Variants in HS3ST3A1 observed in about 807,000 individuals in gnomAD.
HS3ST3A1 encodes the protein heparan sulfate-glucosamine 3-sulfotransferase 3A1.
HS3ST3A1 carries 19 observed loss-of-function variants against 25.7 expected under a neutral mutation model. The observed-to-expected ratio is 0.74, with a 90% CI of 0.52 to 1.08. The LOEUF is 1.08. Ranked by LOEUF, HS3ST3A1 falls within the 50% of genes least tolerant of loss-of-function variation. The pLI is 0.00. For synonymous variants in HS3ST3A1, 226 were observed against 278.6 expected (o/e 0.81, Z 1.88); for missense variants, 459 against 594.3 (o/e 0.77, Z 2.37).
intron 1 of HS3ST3A1, among the ~76,000 whole-genome samples, chr17:13,563,724 C>T (rs1474701920): frequency 6.6e-6 from 1 of 152,144 alleles, no homozygotes; most frequent in African/African-American, 2.4e-5. Flanking sequence ...AAAGGACACG[C>T]ACAAGTCCCC....
chr17:13,518,918 A>G (rs1463668929), intron 1 of HS3ST3A1, among the ~76,000 whole-genome samples: 2 of 152,228 alleles, frequency 1.3e-5, no homozygotes, highest in Non-Finnish European at 2.9e-5. Flanking sequence ...CTGCAGACTT[A>G]TAAAATAAAT....
At chr17:13,594,386 G>A (rs969537698) in intron 1 of HS3ST3A1, among the ~76,000 whole-genome samples, 2 of 152,034 alleles carry the variant, frequency 1.3e-5, no homozygotes, top group Admixed American at 1.3e-4. Context: ...CTCTCAAAGC[G>A]CTTTCCTGTG....
chr17:13,594,206 G>A (rs529325745), intron 1 of HS3ST3A1, among the ~76,000 whole-genome samples: 63 of 152,260 alleles, frequency 4.1e-4, no homozygotes, highest in African/African-American at 1.3e-3. Flanking sequence ...ACACAACAGG[G>A]AATGCTAACC....
chr17:13,521,710 C>T (rs1163194936), intron 1 of HS3ST3A1, among the ~76,000 whole-genome samples: 1 of 152,122 alleles, frequency 6.6e-6, no homozygotes, highest in African/African-American at 2.4e-5. Flanking sequence ...ACAAAAATTG[C>T]TCTAATTATT....
At chr17:13,559,688 G>A (rs1278340584) in intron 1 of HS3ST3A1, among the ~76,000 whole-genome samples, 1 of 151,502 alleles carries the variant, frequency 6.6e-6, no homozygotes, top group African/African-American at 2.4e-5. Context: ...CTCTAGAAAT[G>A]GAAATGAACA....
chr17:13,557,372 T>C (rs1450301060), intron 1 of HS3ST3A1, among the ~76,000 whole-genome samples: 1 of 151,844 alleles, frequency 6.6e-6, no homozygotes, highest in Non-Finnish European at 1.5e-5. Context: ...AAAGAGAAGT[T>C]ACAAAATTAA....
intron 1 of HS3ST3A1, among the ~76,000 whole-genome samples, chr17:13,535,569 T>C (rs1906747428): frequency 6.6e-6 from 1 of 152,182 alleles, no homozygotes; most frequent in Non-Finnish European, 1.5e-5. Flanking sequence ...GTCTTGATTC[T>C]GGAGTTACAA....
chr17:13,506,669 C>G (rs184049508), intron 1 of HS3ST3A1, among the ~76,000 whole-genome samples: 1 of 152,298 alleles, frequency 6.6e-6, no homozygotes, highest in Admixed American at 6.5e-5. Context: ...AATCTATGAG[C>G]AGAGAGGTCT....
intron 1 of HS3ST3A1, among the ~76,000 whole-genome samples, chr17:13,528,964 G>A (rs899435947): frequency 7.2e-5 from 11 of 151,996 alleles, no homozygotes; most frequent in East Asian, 1.9e-4. Context: ...ATAAAGCTGG[G>A]AAATACGGGA....
chr17:13,541,521 A>G (rs980249183), intron 1 of HS3ST3A1, among the ~76,000 whole-genome samples: 1 of 152,176 alleles, frequency 6.6e-6, no homozygotes, highest in African/African-American at 2.4e-5. Flanking sequence ...CTTCCCAAAC[A>G]CATTCTAATA....
chr17:13,501,481 C>CAAT (rs386385711), intron 1 of HS3ST3A1, among the ~76,000 whole-genome samples: 16 of 151,756 alleles, frequency 1.1e-4, no homozygotes, highest in Middle Eastern at 3.2e-3. Flanking sequence ...TTAAACATTA[C>CAAT]AAGGTACTGC....
intron 1 of HS3ST3A1, among the ~76,000 whole-genome samples, chr17:13,506,308 C>T (rs887670267): frequency 2.6e-5 from 4 of 151,992 alleles, no homozygotes; most frequent in Non-Finnish European, 4.4e-5. Context: ...CTCCTGGCCT[C>T]GATTTCTTCA....
chr17:13,510,095 A>G (rs1427481720), intron 1 of HS3ST3A1, among the ~76,000 whole-genome samples: 1 of 152,194 alleles, frequency 6.6e-6, no homozygotes, highest in Non-Finnish European at 1.5e-5. Flanking sequence ...AGCATCTAGA[A>G]GGGGAGAATG....
intron 1 of HS3ST3A1, among the ~76,000 whole-genome samples, chr17:13,571,292 C>G (rs1277015125): frequency 6.6e-6 from 1 of 152,178 alleles, no homozygotes; most frequent in Non-Finnish European, 1.5e-5. Flanking sequence ...AGTACATAAC[C>G]TCTGCTGGGG....
chr17:13,524,499 GC>G (rs1301445743), intron 1 of HS3ST3A1, among the ~76,000 whole-genome samples: 1 of 152,142 alleles, frequency 6.6e-6, no homozygotes, highest in African/African-American at 2.4e-5. Context: ...GCCTGCCTCA[GC>G]CTCCCAAAGT....
Position 13,600,817 on chromosome 17 carries a change from G to C in HS3ST3A1, c.313C>G (p.Arg105Gly). The C allele has an allele frequency of 7.1e-7, 1 of 1,413,750 alleles. No individual in the cohort carries two copies. Among genetic ancestry groups the C allele is most frequent in the Non-Finnish European group, 9.1e-7 (1 of 1,096,788 alleles). 87.6% of individuals were successfully genotyped at this position (1,413,750 alleles called of 1,614,324 possible). A position where few individuals can be genotyped will look rare whatever the true frequency, so the allele number is the denominator to read the frequency against. The change falls in exon 1 of 2, where the codon CGC becomes GGC. Residue 105 changes from arginine to glycine, a missense_variant. Coordinates refer to ENST00000284110, the MANE Select transcript of HS3ST3A1 (RefSeq NM_006042.3). ...CAGGCCGCCTCCTCGCCGTCGTCGC[G>C]GGGCGCGGGCGGCCGGCGCCTCCGC... ...QWRRRRPPAP[R>G]DDGEEAAWEE...
At chr17:13,501,689 G>T (rs898895048) in intron 1 of HS3ST3A1, among the ~76,000 whole-genome samples, 9 of 152,102 alleles carry the variant, frequency 5.9e-5, no homozygotes, top group African/African-American at 2.2e-4. Context: ...AAAATTCCTG[G>T]ACTGTAATGA....
intron 1 of HS3ST3A1, among the ~76,000 whole-genome samples, chr17:13,522,915 G>A (rs1217316375): frequency 1.3e-5 from 2 of 150,784 alleles, no homozygotes; most frequent in Non-Finnish European, 2.9e-5. Context: ...TTTCAGTTTT[G>A]GCCATAAGTT....
At chr17:13,587,257 C>A (rs1326766754) in intron 1 of HS3ST3A1, among the ~76,000 whole-genome samples, 5 of 151,990 alleles carry the variant, frequency 3.3e-5, no homozygotes, top group African/African-American at 1.2e-4. Flanking sequence ...AGATCGAGAT[C>A]ATCCTGGCCA....
Sources: allele counts gnomAD v4.1 joint callset (sites outside exome capture counted in the v4.1 genomes callset), GRCh38; gene constraint gnomAD v4.1.1; transcripts MANE v1.5; gene names NCBI Gene and HGNC (gene_info 2026-07-23, HGNC 2026-07-21).